PRR5: variants seen among roughly 807,000 people sequenced by gnomAD.
The protein encoded by PRR5 is proline rich 5, also known as proline-rich protein 5.
A neutral mutation model predicts 30.6 loss-of-function variants in PRR5; 25 were observed. The observed-to-expected ratio is 0.82, with a 90% confidence interval of 0.60 to 1.14. PRR5 has a LOEUF of 1.14. PRR5 is among the 50% of genes most tolerant of loss of function. PRR5 has a pLI of 0.00. For missense variants in PRR5, 600 were observed against 547.1 expected (o/e 1.10, Z -0.96); for synonymous variants, 286 against 247.1 (o/e 1.16, Z -1.48).
Position 44,702,291 on chromosome 22 carries a change from G to GC in PRR5, c.-182dup. 1 of 1,147,316 alleles carries GC rather than the reference G, an allele frequency of 8.7e-7. No homozygotes were observed. The highest frequency in any genetic ancestry group is 1.1e-6 in the Non-Finnish European group (1 of 929,818). 71.1% of individuals were successfully genotyped at this position (1,147,316 alleles called of 1,614,324 possible). ...GTGCAATGATTAACCCGGCGGGGCG[G>GC]CCGGCGCGGGACCCGAGACGGAGGC... On this transcript the variant is annotated 5_prime_UTR_variant, in exon 1 of 8. It removes the in-frame stop codon of an upstream open reading frame in the 5' UTR. Transcript: ENST00000336985.
chr22:44,688,627 T>C (rs1924967609), intron 1 of PRR5, among the ~76,000 whole-genome samples: 1 of 152,168 alleles, frequency 6.6e-6, no homozygotes, highest in Non-Finnish European at 1.5e-5. Flanking sequence ...TCACTCCATA[T>C]GTGTAACTGC....
At chr22:44,668,759 C>G (rs1043157201) in exon 1 of PRR5, 1 of 148,652 alleles carries the variant, frequency 6.7e-6, no homozygotes, top group African/African-American at 2.4e-5. Context: ...CCGGCTCCGG[C>G]TCTGGCTCTG....
chr22:44,700,715 C>T (rs777979226), upstream of PRR5, among the ~76,000 whole-genome samples: 4 of 152,166 alleles, frequency 2.6e-5, no homozygotes, highest in African/African-American at 4.8e-5. Context: ...TGAGATGAAC[C>T]GTTCCATCCC....
chr22:44,671,408 C>T (rs145503631), intron 1 of PRR5, among the ~76,000 whole-genome samples: 215 of 151,590 alleles, frequency 1.4e-3, no homozygotes, highest in Non-Finnish European at 2.4e-3. Flanking sequence ...CTGGGGAGCA[C>T]GTGGTGGCAC....
At chr22:44,682,470 C>A (rs1429313451) in intron 1 of PRR5, among the ~76,000 whole-genome samples, 1 of 152,216 alleles carries the variant, frequency 6.6e-6, no homozygotes, top group Non-Finnish European at 1.5e-5. Context: ...TCCACCATGT[C>A]CCCGCTGGCC....
At chr22:44,696,631 G>T (rs1245293451) in intron 1 of PRR5, among the ~76,000 whole-genome samples, 3 of 152,170 alleles carry the variant, frequency 2.0e-5, no homozygotes, top group African/African-American at 7.2e-5. Context: ...TGGAGTCCTG[G>T]TAGCTCAGCT....
chr22:44,669,150 C>G (rs969087564), intron 1 of PRR5, among the ~76,000 whole-genome samples: 3 of 150,536 alleles, frequency 2.0e-5, no homozygotes, highest in Admixed American at 1.3e-4. Context: ...TGAGTTTGTC[C>G]GCGTCTCTGT....
At chr22:44,678,722 C>T (rs144788528) in intron 1 of PRR5, among the ~76,000 whole-genome samples, 26 of 152,338 alleles carry the variant, frequency 1.7e-4, no homozygotes, top group East Asian at 1.2e-3. Flanking sequence ...TCAGTGCCAT[C>T]TCACCCTGGG....
chr22:44,699,660 C>A (rs184555695), upstream of PRR5, among the ~76,000 whole-genome samples: 20 of 152,360 alleles, frequency 1.3e-4, no homozygotes, highest in African/African-American at 4.8e-4. Context: ...TTCTTGCCCT[C>A]CTGGCTTATG....
chr22:44,736,399 C>A (rs945054081), intron 7 of PRR5, among the ~76,000 whole-genome samples: 1 of 152,208 alleles, frequency 6.6e-6, no homozygotes, highest in South Asian at 2.1e-4. Context: ...GCAGGGGCTG[C>A]GCCTGCCTGG....
chr22:44,699,788 G>A (rs1926088539), upstream of PRR5, among the ~76,000 whole-genome samples: 1 of 152,214 alleles, frequency 6.6e-6, no homozygotes, highest in South Asian at 2.1e-4. Flanking sequence ...CTAGGGCAGG[G>A]GAGGGACCCG....
chr22:44,732,254 A>C lies in PRR5; in HGVS notation c.418A>C (p.Lys140Gln). The change falls in exon 6 of 8, where the codon AAG becomes CAG. Residue 140 changes from lysine (K) to glutamine (Q), a missense_variant. By Grantham distance (53) the Lys-to-Gln change is moderately conservative. Coordinates refer to ENST00000336985, the MANE Select transcript of PRR5 (RefSeq NM_181333.4). ...GTGGGGTGCCTTCCGTCCACAGGGC[A>C]AGGAGCCATCGGTGCGCCAGCTGGC... ...LQAIFYPVQG[K>Q]EPSVRQLALL... is the part of the protein sequence containing the mutation. 2 of 1,611,500 alleles carry C rather than the reference A, an allele frequency of 1.2e-6. No individual in the cohort carries two copies. The highest frequency in any genetic ancestry group is 1.7e-5 in the Admixed American group (1 of 60,018).
At chr22:44,681,188 A>C (rs1185388979) in intron 1 of PRR5, among the ~76,000 whole-genome samples, 2 of 152,176 alleles carry the variant, frequency 1.3e-5, no homozygotes, top group Non-Finnish European at 2.9e-5. Context: ...CATGCCTGCC[A>C]CATAGTAGGA....
At position 44,681,087 on chromosome 22, in the gene PRR5, G is replaced by A. The variant is rs73889602; in HGVS notation, c.-11+3847G>A. ...GTGGTTCCTGTGTCTCTTCTCTCTC[G>A]GCCCCTGCATCTGCAGAGCTGAGGT... On this transcript the variant is annotated intron_variant, in intron 1 of 8. Coordinates refer to the PRR5 transcript ENST00000006251. Among the ~76,000 whole-genome samples, 8 of 152,162 alleles carry A rather than the reference G, an allele frequency of 5.3e-5. No homozygotes were observed. The South Asian group carries it at 1.7e-3, about 32-fold the overall frequency.
At chr22:44,680,805 G>A (rs1225438702) in intron 1 of PRR5, among the ~76,000 whole-genome samples, 1 of 152,184 alleles carries the variant, frequency 6.6e-6, no homozygotes, top group Non-Finnish European at 1.5e-5. Context: ...GAGTCCCCAA[G>A]AACTCAAGGT....
chr22:44,735,471 A>G (rs1270399869), intron 7 of PRR5, among the ~76,000 whole-genome samples: 1 of 152,174 alleles, frequency 6.6e-6, no homozygotes, highest in Non-Finnish European at 1.5e-5. Flanking sequence ...TGCTCGGAAC[A>G]TGCAAATGCC....
intron 1 of PRR5, among the ~76,000 whole-genome samples, chr22:44,678,008 T>C (rs1220662739): frequency 1.3e-5 from 2 of 152,164 alleles, no homozygotes; most frequent in Admixed American, 1.3e-4. Context: ...AAGGACCAGC[T>C]GGTTTTAAGG....
At position 44,702,325 on chromosome 22, in the gene PRR5, G is replaced by A. The variant is rs1926446837; in HGVS notation, c.-150G>A. 2.6e-6 allele frequency: 3 copies of A among 1,149,280 alleles called. No homozygotes were observed. The highest frequency in any genetic ancestry group is 1.1e-6 in the Non-Finnish European group (1 of 928,136). The allele number at this position is 1,149,280 out of a possible 1,614,324, so 71.2% of individuals were successfully genotyped here. On this transcript the variant is annotated 5_prime_UTR_variant, in exon 1 of 8. Coordinates refer to ENST00000336985, the MANE Select transcript of PRR5 (RefSeq NM_181333.4). ...GGACCCGAGACGGAGGCGCGGGGCC[G>A]GGGCGGGACCCCGCAGGACCGCTCG...
At chr22:44,708,754 G>A (rs113765752) in intron 1 of PRR5, among the ~76,000 whole-genome samples, 1 of 152,052 alleles carries the variant, frequency 6.6e-6, no homozygotes, top group African/African-American at 2.4e-5. Flanking sequence ...ATCATCTGAG[G>A]TCAGGAGTTC....
Sources: gnomAD v4.1 joint callset for allele counts (sites outside exome capture counted in the v4.1 genomes callset) on GRCh38, gnomAD v4.1.1 for gene constraint, MANE v1.5 for transcripts, NCBI Gene and HGNC (gene_info 2026-07-23, HGNC 2026-07-21) for gene names.